RBFOX1: variants seen among roughly 807,000 people sequenced by gnomAD.
RBFOX1 encodes the protein RNA binding fox-1 homolog 1, also known as RNA binding protein fox-1 homolog 1.
Under a neutral mutation model 57.7 loss-of-function variants are expected in RBFOX1, and 8 were observed. The ratio of observed to expected loss-of-function variants is 0.14; its 90% CI spans 0.08 to 0.25. The LOEUF is 0.25. RBFOX1 is among the 10% of genes least tolerant of loss of function. The pLI is 1.00. For synonymous variants in RBFOX1, 326 were observed against 222.4 expected, an observed-to-expected ratio of 1.47 and a Z score of -4.15; for missense variants, 611 against 548.5, an observed-to-expected ratio of 1.11 and a Z score of -1.14.
chr16:6,800,628 A>G (rs1185209592), intron 3 of RBFOX1, among the ~76,000 whole-genome samples: 1 of 151,988 alleles, frequency 6.6e-6, no homozygotes, highest in Non-Finnish European at 1.5e-5. Context: ...AACATTTTTT[A>G]ATTCTTTGCA....
At chr16:7,455,111 A>G (rs1293489274) in intron 4 of RBFOX1, among the ~76,000 whole-genome samples, 3 of 152,232 alleles carry the variant, frequency 2.0e-5, no homozygotes, top group African/African-American at 2.4e-5. Context: ...ATTTTCTGCC[A>G]TCTTGAAGCC....
At chr16:7,321,140 T>TAC (rs1568198500) in intron 4 of RBFOX1, among the ~76,000 whole-genome samples, 1 of 151,982 alleles carries the variant, frequency 6.6e-6, no homozygotes, top group Non-Finnish European at 1.5e-5. Flanking sequence ...CTTATACTTA[T>TAC]ATTGTTTGTT....
At chr16:7,158,841 G>C (rs1567506134) in intron 4 of RBFOX1, among the ~76,000 whole-genome samples, 1 of 151,596 alleles carries the variant, frequency 6.6e-6, no homozygotes, top group Non-Finnish European at 1.5e-5. Context: ...TGTTTGTATG[G>C]TATGTGTGTG....
intron 2 of RBFOX1, among the ~76,000 whole-genome samples, chr16:6,350,585 T>G (rs2086192072): frequency 6.6e-6 from 1 of 150,726 alleles, no homozygotes; most frequent in Admixed American, 6.6e-5. Flanking sequence ...AGGTGATGCC[T>G]GAATGCCAAC....
exon 3 of RBFOX1, chr16:5,599,626 G>C: frequency 5.1e-6 from 1 of 196,408 alleles, no homozygotes; most frequent in Non-Finnish European, 1.0e-5. Context: ...GTGGCACACA[G>C]ACTGTTGCTG....
chr16:5,952,331 C>T (rs961938872), intron 4 of RBFOX1, among the ~76,000 whole-genome samples: 11 of 151,764 alleles, frequency 7.2e-5, no homozygotes, highest in Non-Finnish European at 1.2e-4. Context: ...TTGTATTTTT[C>T]GTAGAGATGG....
intron 4 of RBFOX1, among the ~76,000 whole-genome samples, chr16:7,075,060 T>G (rs553737902): frequency 6.6e-6 from 1 of 152,318 alleles, no homozygotes; most frequent in East Asian, 1.9e-4. Context: ...AAAAGCAACA[T>G]ACGGCAAATT....
At chr16:7,073,114 G>A (rs1380211731) in intron 4 of RBFOX1, among the ~76,000 whole-genome samples, 1 of 152,188 alleles carries the variant, frequency 6.6e-6, no homozygotes, top group Non-Finnish European at 1.5e-5. Flanking sequence ...GACTTTAGGA[G>A]TAAAGTGTGT....
intron 2 of RBFOX1, among the ~76,000 whole-genome samples, chr16:6,404,167 G>C (rs937079314): frequency 6.6e-6 from 1 of 152,154 alleles, no homozygotes; most frequent in Non-Finnish European, 1.5e-5. Context: ...AACATGAGCA[G>C]ATTTTTTCTT....
chr16:6,700,900 G>A (rs940970025), intron 3 of RBFOX1, among the ~76,000 whole-genome samples: 3 of 152,180 alleles, frequency 2.0e-5, no homozygotes, highest in African/African-American at 2.4e-5. Context: ...TACCCAATTT[G>A]CTAGTCACGT....
At chr16:7,203,844 C>T (rs953120381) in intron 4 of RBFOX1, among the ~76,000 whole-genome samples, 1 of 152,174 alleles carries the variant, frequency 6.6e-6, no homozygotes, top group Non-Finnish European at 1.5e-5. Context: ...CGGATTTAAC[C>T]AGAAATCTAA....
At chr16:6,498,228 G>C (rs1265578000) in intron 2 of RBFOX1, among the ~76,000 whole-genome samples, 1 of 149,742 alleles carries the variant, frequency 6.7e-6, no homozygotes, top group Non-Finnish European at 1.5e-5. Context: ...CTCAAGCCTG[G>C]GTGACAGAGA....
chr16:5,769,944 C>G lies in RBFOX1; in HGVS notation c.319-97359C>G, dbSNP rs145741757. On this transcript the variant is annotated intron_variant, in intron 3 of 19. Transcript: ENST00000641259. The stretch of plus-strand genomic sequence containing the variant: ...AAGGATACCTTGGAAGAAAATTAGG[C>G]TCTCAGTATAGGTATGTGCTAGAGA... Among the ~76,000 whole-genome samples, 107 of 152,278 alleles carry G rather than the reference C, an allele frequency of 7.0e-4. 2 individuals carry two copies. The East Asian group carries it at 0.02, about 29-fold the overall frequency.
At chr16:5,570,274 C>T (rs934843535) in intron 2 of RBFOX1, among the ~76,000 whole-genome samples, 2 of 152,072 alleles carry the variant, frequency 1.3e-5, no homozygotes, top group Non-Finnish European at 2.9e-5. Context: ...GGTTCAAATC[C>T]TGTTTTTGTC....
At chr16:7,403,686 A>C (rs912820954) in intron 4 of RBFOX1, among the ~76,000 whole-genome samples, 8 of 150,466 alleles carry the variant, frequency 5.3e-5, no homozygotes, top group South Asian at 2.1e-4. Context: ...AGCTGGGATT[A>C]CAGGCACCTG....
intron 3 of RBFOX1, among the ~76,000 whole-genome samples, chr16:6,932,239 G>A (rs1384097132): frequency 1.3e-5 from 2 of 152,118 alleles, no homozygotes; most frequent in African/African-American, 4.8e-5. Flanking sequence ...AAGTAGCTGG[G>A]ATTACAGGCA....
chr16:7,083,778 G>A (rs1341109654), intron 4 of RBFOX1, among the ~76,000 whole-genome samples: 1 of 152,178 alleles, frequency 6.6e-6, no homozygotes, highest in Non-Finnish European at 1.5e-5. Flanking sequence ...CCGTGCATGG[G>A]TCAGTTGTTA....
chr16:6,799,835 G>A (rs1325515537), intron 3 of RBFOX1, among the ~76,000 whole-genome samples: 1 of 152,112 alleles, frequency 6.6e-6, no homozygotes, highest in Admixed American at 6.5e-5. Context: ...CAGACTGAAG[G>A]CTGCGCTGTC....
chr16:5,679,826 A>T (rs1016802914), intron 3 of RBFOX1, among the ~76,000 whole-genome samples: 1 of 152,178 alleles, frequency 6.6e-6, no homozygotes, highest in African/African-American at 2.4e-5. Flanking sequence ...TGTCTCCTTT[A>T]TAATTAACTT....
Sources: gnomAD v4.1 joint callset for allele counts (sites outside exome capture counted in the v4.1 genomes callset) on GRCh38, gnomAD v4.1.1 for gene constraint, MANE v1.5 for transcripts, NCBI Gene and HGNC (gene_info 2026-07-23, HGNC 2026-07-21) for gene names.